The following FCRL2 variants were observed in gnomAD, a reference collection of about 807,000 sequenced individuals.
FCRL2 encodes the protein Fc receptor-like protein 2.
Under a neutral mutation model 59.8 loss-of-function variants are expected in FCRL2, and 48 were observed. The ratio of observed to expected loss-of-function variants is 0.80; its 90% CI spans 0.64 to 1.02. FCRL2 has a LOEUF of 1.02. Ranked by LOEUF, FCRL2 falls within the 50% of genes least tolerant of loss-of-function variation. FCRL2 has a pLI of 0.00. For synonymous variants in FCRL2, 251 were observed against 229.5 expected (o/e 1.09, Z -0.85); for missense variants, 658 against 597.3 (o/e 1.10, Z -1.06).
chr1:157,767,404 A>T lies in FCRL2; in HGVS notation c.989T>A (p.Ile330Asn). 1.9e-6 allele frequency: 3 copies of T among 1,614,252 alleles called. No individual in the cohort carries two copies. The highest frequency in any genetic ancestry group is 2.5e-6 in the Non-Finnish European group (3 of 1,180,036). The change falls in exon 6 of 12, where the codon ATC (isoleucine) becomes AAC (asparagine). Residue 330 changes from isoleucine (I) to asparagine (N), a missense_variant. Ile to Asn is a moderately radical substitution (Grantham distance 149, BLOSUM62 -3). Transcript: ENST00000361516. ...HCEALRGSPPILYQFYHEDVT... is the reference protein window; with the variant it reads ...HCEALRGSPPNLYQFYHEDVT... The stretch of plus-strand genomic sequence containing the variant: ...ATCCTCATGATAAAATTGGTACAAG[A>T]TTGGGGGAGAGCCTCTCAGGGCCTC...
At chr1:157,751,713 A>G (rs1186407452) in intron 7 of FCRL2, among the ~76,000 whole-genome samples, 1 of 152,170 alleles carries the variant, frequency 6.6e-6, no homozygotes, top group African/African-American at 2.4e-5. Context: ...GTTCCAAAAT[A>G]AGGGTGGAGG....
In FCRL2 at chr1:157,748,980, T is replaced by C. The variant is rs1647976863; in HGVS notation, c.1308-20A>G. 5 of 1,604,028 alleles carry C rather than the reference T, an allele frequency of 3.1e-6. No homozygotes were observed. The East Asian group carries it at 1.1e-4, about 36-fold the overall frequency. On this transcript the variant is annotated intron_variant, in intron 8 of 11. Transcript: ENST00000361516. ...GCCCCTCTGTGAGAAAGTGAATTAA[T>C]TGTATGATAATCCCCAGGGCAGTGA... is the stretch of plus-strand genomic sequence containing the variant.
chr1:157,763,927 G>A (rs964802984), intron 7 of FCRL2, among the ~76,000 whole-genome samples: 11 of 152,048 alleles, frequency 7.2e-5, no homozygotes, highest in Non-Finnish European at 1.6e-4. Context: ...CTACTCGGGA[G>A]GCTGAGGCAG....
intron 2 of FCRL2, among the ~76,000 whole-genome samples, chr1:157,771,644 T>C (rs541255851): frequency 6.6e-6 from 1 of 152,332 alleles, no homozygotes; most frequent in Admixed American, 6.5e-5. Flanking sequence ...TTTCCTTAGA[T>C]TGGTCACAGG....
At chr1:157,760,217 C>G (rs551259662) in intron 7 of FCRL2, among the ~76,000 whole-genome samples, 7 of 152,272 alleles carry the variant, frequency 4.6e-5, no homozygotes, top group Non-Finnish European at 8.8e-5. Context: ...CATGTTCTCA[C>G]TGATATGTGA....
In FCRL2 at chr1:157,767,263, T is replaced by G. The variant is rs151058050; in HGVS notation, c.1130A>C (p.Gln377Pro). 1 of 1,614,070 alleles carries G rather than the reference T, an allele frequency of 6.2e-7. No individual in the cohort carries two copies. Among genetic ancestry groups the G allele is most frequent in the African/African-American group, 1.3e-5 (1 of 75,070 alleles). ...GGAGACTGGCACTGCCTCACTGCAC[T>G]GGGCCCCCAGGCCGTTGTTGGCCTC... is the stretch of plus-strand genomic sequence containing the variant. ...SCEANNGLGA[Q>P]CSEAVPVSIS... Residue 377 changes from glutamine to proline, a missense_variant, in exon 6 of 12, where the codon CAG (glutamine) becomes CCG (proline). Transcript: ENST00000361516.
chr1:157,776,644 T>C (rs1650436300), intron 1 of FCRL2, among the ~76,000 whole-genome samples: 1 of 152,138 alleles, frequency 6.6e-6, no homozygotes, highest in African/African-American at 2.4e-5. Context: ...TAGCAAAGGG[T>C]CTCAATGCAT....
At chr1:157,753,653 T>G (rs1351375950) in intron 7 of FCRL2, among the ~76,000 whole-genome samples, 1 of 152,222 alleles carries the variant, frequency 6.6e-6, no homozygotes, top group Non-Finnish European at 1.5e-5. Flanking sequence ...TAGGTATGAT[T>G]GATTAAATCA....
Position 157,775,767 on chromosome 1 carries a change from G to C in FCRL2, c.52+8C>G. On this transcript the variant is annotated splice_region_variant and intron_variant, in intron 2 of 11. Transcript: ENST00000361516. ...AGACCAAGAACAACAAAGACAAGGAGGACTCACCTGCCTGTTCAGTGACTG... is the reference window on the plus strand; with the variant it reads ...AGACCAAGAACAACAAAGACAAGGACGACTCACCTGCCTGTTCAGTGACTG... The C allele has an allele frequency of 1.2e-6, 2 of 1,613,956 alleles. No homozygotes were observed. Among genetic ancestry groups the C allele is most frequent in the Non-Finnish European group, 1.7e-6 (2 of 1,179,928 alleles).
chr1:157,748,993 C>A, intron 8 of FCRL2, 33 bp from the exon 9 acceptor site: 8 of 1,577,150 alleles, frequency 5.1e-6, no homozygotes, highest in Non-Finnish European at 7.0e-6. Context: ...TATGATAATC[C>A]CCAGGGCAGT....
intron 7 of FCRL2, among the ~76,000 whole-genome samples, chr1:157,760,698 G>GGAAAGAGAAA (rs1648978795): frequency 2.1e-5 from 2 of 97,288 alleles, no homozygotes; most frequent in Non-Finnish European, 4.0e-5. Context: ...AAAGAAAGAA[G>GGAAAGAGAAA]GAAAGAAAGA....
chr1:157,755,205 A>G (rs185800684), intron 7 of FCRL2, among the ~76,000 whole-genome samples: 2 of 152,308 alleles, frequency 1.3e-5, no homozygotes, highest in East Asian at 3.9e-4. Context: ...CATTTAGTAT[A>G]AACAGATCAT....
chr1:157,748,948 C>T lies in FCRL2; in HGVS notation c.1320G>A (p.Arg440=). 6.2e-7 allele frequency: 1 copy of T among 1,613,768 alleles called. No individual in the cohort carries two copies. Among genetic ancestry groups the T allele is most frequent in the Non-Finnish European group, 8.5e-7 (1 of 1,179,820 alleles). The change falls in exon 9 of 12, where the codon AGG becomes AGA. Residue 440 remains arginine (R), a synonymous_variant. Transcript: ENST00000361516. ...SATNEPRGAS[R]PNPQEFTYSS... ...AATAGGTGAACTCTTGAGGATTTGG[C>T]CTGGAAGCCCCTCTGTGAGAAAGTG...
Position 157,759,252 on chromosome 1 carries a change from G to A in FCRL2, c.1279+7603C>T, listed in dbSNP as rs1037518708. Among the ~76,000 whole-genome samples the A allele has an allele frequency of 2.6e-5, 4 of 152,134 alleles. No homozygotes were observed. The East Asian group carries it at 7.7e-4, about 29-fold the overall frequency. On this transcript the variant is annotated intron_variant, in intron 7 of 11. Transcript: ENST00000361516. ...TTTCCTGAGGCCTTCTCAGTCATGTGGAACTGTGAGTCGATTAAACCTCTT... is the reference window on the plus strand; with the variant it reads ...TTTCCTGAGGCCTTCTCAGTCATGTAGAACTGTGAGTCGATTAAACCTCTT...
chr1:157,773,386 G>A (rs1246728996), intron 2 of FCRL2, among the ~76,000 whole-genome samples: 1 of 152,172 alleles, frequency 6.6e-6, no homozygotes, highest in Admixed American at 6.5e-5. Flanking sequence ...GCTAATGATG[G>A]CTGAGGAGGA....
intron 7 of FCRL2, among the ~76,000 whole-genome samples, chr1:157,763,435 G>T (rs1192452488): frequency 6.6e-6 from 1 of 152,014 alleles, no homozygotes; most frequent in African/African-American, 2.4e-5. Flanking sequence ...TGAGGCAAGA[G>T]AATCTCTTGA....
At chr1:157,769,250 G>C (rs1231688381) in intron 4 of FCRL2, 2 of 155,306 alleles carry the variant, frequency 1.3e-5, no homozygotes, top group Non-Finnish European at 2.8e-5. Context: ...CAGGTGGTTT[G>C]CCTTTTGAAG....
At chr1:157,750,952 T>TATTCCTTG (rs1238799850) in intron 7 of FCRL2, among the ~76,000 whole-genome samples, 1 of 152,192 alleles carries the variant, frequency 6.6e-6, no homozygotes, top group Non-Finnish European at 1.5e-5. Context: ...GTACAAATAA[T>TATTCCTTG]ATTCCTTGAT....
chr1:157,746,770 G>A lies in FCRL2; in HGVS notation c.1493C>T (p.Ser498Phe), dbSNP rs760427815. The A allele has an allele frequency of 2.5e-6, 4 of 1,613,788 alleles. No individual in the cohort carries two copies. Among genetic ancestry groups the A allele is most frequent in the Middle Eastern group, 1.7e-4 (1 of 6,058 alleles). Reference protein sequence around the residue: ...NIRTLLENKDSQVIYSSVKKS With the variant: ...NIRTLLENKDFQVIYSSVKKS ...CTTCACAGAAGAGTAGATGACTTGG[G>A]AGTCCTGGGAGAGACACACAGGAAT... is the stretch of plus-strand genomic sequence containing the variant. Residue 498 changes from serine (S) to phenylalanine (F), a missense_variant, in exon 12 of 12, where the codon TCC (serine) becomes TTC (phenylalanine). By Grantham distance (155) the Ser-to-Phe change is radical (BLOSUM62 -2). Coordinates refer to ENST00000361516, the MANE Select transcript of FCRL2 (RefSeq NM_030764.4).
Sources: gnomAD v4.1 joint callset for allele counts (sites outside exome capture counted in the v4.1 genomes callset) on GRCh38, gnomAD v4.1.1 for gene constraint, MANE v1.5 for transcripts, NCBI Gene and HGNC (gene_info 2026-07-23, HGNC 2026-07-21) for gene names.